The following NLGN1 variants were observed in gnomAD, a reference collection of about 807,000 sequenced individuals.
NLGN1 encodes the protein neuroligin 1.
In NLGN1, 12 loss-of-function variants were observed where a neutral mutation model predicts 65.5. The ratio of observed to expected loss-of-function variants is 0.18; its 90% CI spans 0.12 to 0.30. The LOEUF (loss-of-function observed/expected upper bound fraction) is 0.30, where lower values mean the gene tolerates loss of function less well. Ranked by LOEUF, NLGN1 falls within the 10% of genes least tolerant of loss-of-function variation. The pLI is 1.00. For synonymous variants in NLGN1, 350 were observed against 359.5 expected, an observed-to-expected ratio of 0.97 and a Z score of 0.30; for missense variants, 750 against 1,007.1, an observed-to-expected ratio of 0.74 and a Z score of 3.46.
intron 4 of NLGN1, among the ~76,000 whole-genome samples, chr3:174,196,133 G>A (rs1427107715): frequency 6.6e-6 from 1 of 152,088 alleles, no homozygotes; most frequent in African/African-American, 2.4e-5. Context: ...GTTTTTATTA[G>A]TTTAGTACAT....
chr3:173,621,759 A>G (rs1560065315), intron 3 of NLGN1, among the ~76,000 whole-genome samples: 1 of 152,122 alleles, frequency 6.6e-6, no homozygotes, highest in Non-Finnish European at 1.5e-5. Context: ...GGCCTTGGCA[A>G]TGTTGACAAC....
intron 2 of NLGN1, among the ~76,000 whole-genome samples, chr3:173,494,522 G>T (rs1177722710): frequency 2.0e-5 from 3 of 151,526 alleles, no homozygotes; most frequent in Non-Finnish European, 4.4e-5. Flanking sequence ...GTTTTTCAAA[G>T]ATTAGAATTT....
chr3:173,481,179 T>G (rs1727217851), intron 2 of NLGN1, among the ~76,000 whole-genome samples: 1 of 152,022 alleles, frequency 6.6e-6, no homozygotes, highest in South Asian at 2.1e-4. Context: ...ATATGCTATT[T>G]TAGAGAGATT....
chr3:174,230,518 G>A (rs1401423497), intron 4 of NLGN1, among the ~76,000 whole-genome samples: 1 of 152,082 alleles, frequency 6.6e-6, no homozygotes. Flanking sequence ...TTTTCCTTCA[G>A]TGTTTTCATT....
chr3:174,003,873 A>G (rs1273330625), intron 4 of NLGN1, among the ~76,000 whole-genome samples: 2 of 152,184 alleles, frequency 1.3e-5, no homozygotes, highest in African/African-American at 2.4e-5. Context: ...ACTGTAGTCT[A>G]TAATCAAAGA....
At chr3:173,779,029 A>G (rs1780736158) in intron 3 of NLGN1, among the ~76,000 whole-genome samples, 2 of 151,560 alleles carry the variant, frequency 1.3e-5, no homozygotes, top group African/African-American at 4.8e-5. Flanking sequence ...TATTCATTAA[A>G]ATATGAAATA....
At chr3:173,814,384 T>C (rs943571731) in intron 4 of NLGN1, among the ~76,000 whole-genome samples, 5 of 152,178 alleles carry the variant, frequency 3.3e-5, no homozygotes, top group African/African-American at 1.2e-4. Flanking sequence ...CAATTTTAGA[T>C]TGAGTACTAA....
At chr3:173,418,237 A>G (rs1413349227) in intron 1 of NLGN1, among the ~76,000 whole-genome samples, 1 of 151,648 alleles carries the variant, frequency 6.6e-6, no homozygotes, top group African/African-American at 2.4e-5. Context: ...TAATTAGTAT[A>G]CAATGTAATA....
intron 2 of NLGN1, among the ~76,000 whole-genome samples, chr3:173,583,404 G>A (rs1746708487): frequency 6.6e-6 from 1 of 152,018 alleles, no homozygotes; most frequent in Non-Finnish European, 1.5e-5. Flanking sequence ...ATTAGCCGTG[G>A]GCCAAAAAGT....
chr3:173,903,787 G>A (rs1489073424), intron 4 of NLGN1, among the ~76,000 whole-genome samples: 1 of 152,174 alleles, frequency 6.6e-6, no homozygotes, highest in Admixed American at 6.6e-5. Context: ...TCTCAAATGA[G>A]AGTTGGTGTC....
chr3:174,207,804 A>G (rs17788364), intron 4 of NLGN1, among the ~76,000 whole-genome samples: 32,434 of 152,178 alleles, frequency 0.21, 3,780 homozygotes, highest in African/African-American at 0.31. Context: ...GGTGTCAAGC[A>G]CAGAAATTTG....
intron 4 of NLGN1, among the ~76,000 whole-genome samples, chr3:174,226,415 A>T (rs1739706286): frequency 6.6e-6 from 1 of 151,770 alleles, no homozygotes; most frequent in African/African-American, 2.4e-5. Context: ...GTTGAGAGGG[A>T]TTTTTCCAGT....
chr3:173,945,216 T>C (rs1047123677), intron 4 of NLGN1, among the ~76,000 whole-genome samples: 1 of 151,940 alleles, frequency 6.6e-6, no homozygotes, highest in African/African-American at 2.4e-5. Flanking sequence ...GGTCTCCCTT[T>C]AGAGGGGGTG....
chr3:173,810,435 T>C (rs1162974275), intron 4 of NLGN1, among the ~76,000 whole-genome samples: 1 of 152,208 alleles, frequency 6.6e-6, no homozygotes, highest in Non-Finnish European at 1.5e-5. Context: ...GAGGAAATCC[T>C]GAGCTGTGTT....
At chr3:173,551,047 G>C (rs964234141) in intron 2 of NLGN1, among the ~76,000 whole-genome samples, 1 of 152,024 alleles carries the variant, frequency 6.6e-6, no homozygotes, top group Non-Finnish European at 1.5e-5. Context: ...CACCTTATTT[G>C]AGAAAGCTCA....
At chr3:174,044,243 A>G (rs1176705270) in intron 4 of NLGN1, among the ~76,000 whole-genome samples, 1 of 152,182 alleles carries the variant, frequency 6.6e-6, no homozygotes, top group African/African-American at 2.4e-5. Flanking sequence ...GGTCTCTGAC[A>G]TGCCCCGGAG....
chr3:174,004,721 A>G (rs1016557780), intron 4 of NLGN1, among the ~76,000 whole-genome samples: 1 of 152,168 alleles, frequency 6.6e-6, no homozygotes, highest in African/African-American at 2.4e-5. Flanking sequence ...TTAAAATGGA[A>G]TAGAAATTAT....
At chr3:173,844,664 G>A (rs1263394862) in intron 4 of NLGN1, among the ~76,000 whole-genome samples, 1 of 152,166 alleles carries the variant, frequency 6.6e-6, no homozygotes, top group African/African-American at 2.4e-5. Context: ...TAGGCTGTGA[G>A]TATTTTAAGG....
chr3:174,261,212 T>C (rs1159629916), intron 4 of NLGN1, among the ~76,000 whole-genome samples: 7 of 151,832 alleles, frequency 4.6e-5, no homozygotes, highest in Non-Finnish European at 8.8e-5. Context: ...TTTTTTCCAA[T>C]TCTGTGAAGA....
Sources: gnomAD v4.1 joint callset for allele counts (sites outside exome capture counted in the v4.1 genomes callset) on GRCh38, gnomAD v4.1.1 for gene constraint, MANE v1.5 for transcripts, NCBI Gene and HGNC (gene_info 2026-07-23, HGNC 2026-07-21) for gene names.